Variants in TANC1 observed in about 807,000 individuals in gnomAD.
TANC1 encodes tetratricopeptide repeat, ankyrin repeat and coiled-coil containing 1.
In TANC1, 77 loss-of-function variants were observed where a neutral mutation model predicts 149.7. That is an observed-to-expected ratio of 0.51 (90% CI 0.43 to 0.62). The LOEUF (loss-of-function observed/expected upper bound fraction) is 0.62, where lower values mean the gene tolerates loss of function less well. Among genes scored for constraint, TANC1 ranks in the 20% least tolerant of loss-of-function variants. The pLI is 0.00. For missense variants in TANC1, 1,985 were observed against 2,321.8 expected (o/e 0.85, Z 2.98); for synonymous variants, 854 against 925.0 (o/e 0.92, Z 1.39).
intron 4 of TANC1, among the ~76,000 whole-genome samples, chr2:159,099,468 T>C (rs1437860087): frequency 6.6e-6 from 1 of 151,972 alleles, no homozygotes; most frequent in Non-Finnish European, 1.5e-5. Context: ...TCATTTGTCC[T>C]TTTCCCCTGA....
intron 13 of TANC1, among the ~76,000 whole-genome samples, chr2:159,177,246 C>T (rs112492278): frequency 6.1e-4 from 92 of 152,038 alleles, no homozygotes; most frequent in African/African-American, 2.1e-3. Context: ...TCCCAGAGGT[C>T]TATTTTTTCA....
At chr2:159,111,625 A>AG (rs549072710) in intron 4 of TANC1, among the ~76,000 whole-genome samples, 49 of 152,186 alleles carry the variant, frequency 3.2e-4, no homozygotes, top group Non-Finnish European at 6.0e-4. Flanking sequence ...AATCCCGTAT[A>AG]GGAGGGGCAC....
rs148971009 is a variant in TANC1, at chr2:159,094,230, T to C, written c.62-3407T>C. On this transcript the variant is annotated intron_variant, in intron 3 of 26. Coordinates refer to ENST00000263635, the MANE Select transcript of TANC1 (RefSeq NM_033394.3). ...CTAGCTGGGTCTGTGATTTAGCCTA[T>C]GTGAGAACAGCCACAGGGCAATGTA... Among the ~76,000 whole-genome samples the C allele has an allele frequency of 4.5e-3, 680 of 152,346 alleles. 4 individuals carry two copies. Among genetic ancestry groups the C allele is most frequent in the African/African-American group, 0.015 (633 of 41,592 alleles).
Position 159,229,774 on chromosome 2 carries a change from T to G in TANC1, c.4348T>G (p.Leu1450Val). The change falls in exon 27 of 27, where the codon TTA becomes GTA. Residue 1450 changes from leucine (L) to valine (V), a missense_variant. Leu to Val is a conservative substitution (Grantham distance 32). This residue lies in a region of TANC1 where 920 missense variants were observed against 994.7 expected (regional missense o/e 0.92). Coordinates refer to ENST00000263635, the MANE Select transcript of TANC1 (RefSeq NM_033394.3). The part of the protein sequence containing the change: ...ENEEDTPTPG[L>V]SDHFHSEETE... ...CGAAGAGGACACCCCAACCCCTGGC[T>G]TAAGTGACCACTTTCACTCTGAGGA... 1 of 1,613,672 alleles carries G rather than the reference T, an allele frequency of 6.2e-7. No homozygotes were observed. The highest frequency in any genetic ancestry group is 8.5e-7 in the Non-Finnish European group (1 of 1,179,954).
intron 2 of TANC1, among the ~76,000 whole-genome samples, chr2:159,044,240 A>G (rs2149547470): frequency 6.6e-6 from 1 of 152,182 alleles, no homozygotes; most frequent in South Asian, 2.1e-4. Context: ...AGCCTGGGCA[A>G]CGCAGCGAGA....
chr2:159,086,813 T>C (rs900004284), intron 3 of TANC1, among the ~76,000 whole-genome samples: 5 of 152,228 alleles, frequency 3.3e-5, no homozygotes, highest in African/African-American at 1.2e-4. Context: ...TTTTGGGTCA[T>C]GTATCTTACT....
Position 159,230,946 on chromosome 2 carries a change from T to C in TANC1, c.5520T>C (p.Asn1840=). 1.2e-6 allele frequency: 2 copies of C among 1,614,154 alleles called. No homozygotes were observed. The highest frequency in any genetic ancestry group is 1.7e-6 in the Non-Finnish European group (2 of 1,180,036). Residue 1840 remains asparagine, a synonymous_variant, in exon 27 of 27, where the codon AAT becomes AAC. Transcript: ENST00000263635. The surrounding 1 kb of genome is among the most constrained non-coding windows in gnomAD (Gnocchi z 4.4). ...CCAAACAGCAGCCTCATATTAGTAA[T>C]GAAGCCCACAGGAGCCACCTCACTG... ...SISKQQPHIS[N]EAHRSHLTAA...
intron 16 of TANC1, among the ~76,000 whole-genome samples, chr2:159,189,613 T>A (rs2057290119): frequency 6.6e-6 from 1 of 152,190 alleles, no homozygotes; most frequent in Non-Finnish European, 1.5e-5. Flanking sequence ...GAAGTGAAAC[T>A]TTTATCCTCA....
intron 9 of TANC1, among the ~76,000 whole-genome samples, chr2:159,169,625 G>A (rs574734717): frequency 7.9e-5 from 12 of 152,090 alleles, no homozygotes; most frequent in Non-Finnish European, 1.8e-4. Context: ...TTGAAGTGAG[G>A]GGTAGTTTTG....
Position 159,203,209 on chromosome 2 carries a change from C to CTT in TANC1, c.3244+4171_3244+4172dup, listed in dbSNP as rs56319016. On this transcript the variant is annotated intron_variant, in intron 19 of 26. Transcript: ENST00000263635. Reference sequence around the variant, plus strand: ...ATCTTATTCGATAGGCTTTTCTTTTCTTTTTTTTTTTTTTTTGAGATGGAG... The same window carrying CTT: ...ATCTTATTCGATAGGCTTTTCTTTTCTTTTTTTTTTTTTTTTTTGAGATGGAG... Among the ~76,000 whole-genome samples, 344 of 101,628 alleles carry CTT rather than the reference C, an allele frequency of 3.4e-3. 14 individuals are homozygous for CTT. Among genetic ancestry groups the CTT allele is most frequent in the South Asian group, 4.9e-3 (18 of 3,646 alleles). The allele number at this position is 101,628 out of a possible 152,430, so 66.7% of individuals were successfully genotyped here.
At chr2:159,013,084 A>T (rs2037929772) in intron 2 of TANC1, among the ~76,000 whole-genome samples, 1 of 152,236 alleles carries the variant, frequency 6.6e-6, no homozygotes, top group Non-Finnish European at 1.5e-5. Flanking sequence ...AAGACAATTC[A>T]TTAATTGTTC....
intron 17 of TANC1, among the ~76,000 whole-genome samples, chr2:159,194,815 T>C (rs1300278686): frequency 6.6e-6 from 1 of 152,196 alleles, no homozygotes. Context: ...TTTAAAATAT[T>C]TTAAATGTTT....
chr2:159,155,160 C>A (rs1019041395), intron 7 of TANC1, among the ~76,000 whole-genome samples: 1 of 152,034 alleles, frequency 6.6e-6, no homozygotes, highest in African/African-American at 2.4e-5. Flanking sequence ...ATGTACATAT[C>A]GTGATAAAAT....
At position 159,187,041 on chromosome 2, in the gene TANC1, A is replaced by G; in HGVS notation, c.2742+17A>G. 6.2e-7 allele frequency: 1 copy of G among 1,613,688 alleles called. No homozygotes were observed. The highest frequency in any genetic ancestry group is 8.5e-7 in the Non-Finnish European group (1 of 1,179,836). ...AACGTGAAGGTGAGCAACCTTCTGC[A>G]CAGAGAGCCGGAGACCCAGCCCTGG... On this transcript the variant is annotated intron_variant, in intron 16 of 26. Coordinates refer to ENST00000263635, the MANE Select transcript of TANC1 (RefSeq NM_033394.3).
At chr2:159,213,186 CAA>C (rs1412039851) in intron 19 of TANC1, among the ~76,000 whole-genome samples, 1 of 152,124 alleles carries the variant, frequency 6.6e-6, no homozygotes, top group Admixed American at 6.6e-5. Flanking sequence ...ATAATCAACT[CAA>C]AATCTTTATG....
chr2:159,001,463 C>T lies in TANC1; in HGVS notation c.-16+274C>T, dbSNP rs1013825539. Among the ~76,000 whole-genome samples, 5 of 152,168 alleles carry T rather than the reference C, an allele frequency of 3.3e-5. No homozygotes were observed. The highest frequency in any genetic ancestry group is 2.6e-4 in the Admixed American group (4 of 15,284). On this transcript the variant is annotated intron_variant, in intron 2 of 26. Transcript: ENST00000263635. This position sits in a 1 kb window ranked among gnomAD's most constrained non-coding sequence, Gnocchi z 4.3. ...GATGGTGCTGATGGTTGCAGAAGGA[C>T]GTGCTTAGTGCTACTGAACTATATA... is the stretch of plus-strand genomic sequence containing the variant.
At chr2:159,176,325 A>G in intron 12 of TANC1, 27 bp from the exon 13 acceptor site, 1 of 1,360,828 alleles carries the variant, frequency 7.3e-7, no homozygotes, top group Non-Finnish European at 9.9e-7. Flanking sequence ...TAATTTCTTA[A>G]TTTGAAAAAA....
chr2:159,011,899 C>CAA (rs1331508331), intron 2 of TANC1, among the ~76,000 whole-genome samples: 2 of 152,198 alleles, frequency 1.3e-5, no homozygotes, highest in Non-Finnish European at 2.9e-5. Flanking sequence ...CAGACTTAAA[C>CAA]CTGTGCTTCC....
chr2:159,196,081 C>T (rs1193412714), intron 17 of TANC1, among the ~76,000 whole-genome samples: 1 of 152,230 alleles, frequency 6.6e-6, no homozygotes, highest in Admixed American at 6.5e-5. Context: ...GGCCACCGGC[C>T]TACATGAGAC....
Sources: gnomAD v4.1 joint callset for allele counts (sites outside exome capture counted in the v4.1 genomes callset) on GRCh38, gnomAD v4.1.1 for gene constraint, gnomAD v4.1.1 regional missense constraint, Gnocchi (gnomAD v3.1) non-coding constraint, MANE v1.5 for transcripts, NCBI Gene and HGNC (gene_info 2026-07-23, HGNC 2026-07-21) for gene names.